Variants in IFNG-AS1 observed in about 807,000 individuals in gnomAD.
IFNG-AS1 encodes the protein IFNG antisense RNA 1 (non-protein coding).
rs538181938 is a variant in IFNG-AS1, at chr12:67,991,092, T to C, written n.51+1513T>C. Among the ~76,000 whole-genome samples, 7 of 152,266 alleles carry C rather than the reference T, an allele frequency of 4.6e-5. No homozygotes were observed. The East Asian group carries it at 1.2e-3, about 25-fold the overall frequency. ...GGGACACACACATATCACAGTAAAA[T>C]GATACCAGATAATGGCAAAGGAGGG... is the stretch of plus-strand genomic sequence containing the variant. On this transcript the variant is annotated intron_variant and non_coding_transcript_variant, in intron 1 of 5. Transcript: ENST00000536914.
chr12:67,990,969 G>A (rs1350409833), intron 1 of IFNG-AS1, among the ~76,000 whole-genome samples: 1 of 152,140 alleles, frequency 6.6e-6, no homozygotes, highest in African/African-American at 2.4e-5. Flanking sequence ...GTTTGGTGAA[G>A]CACCATGTCA....
chr12:68,015,957 A>G (rs981561461), intron 3 of IFNG-AS1, among the ~76,000 whole-genome samples: 1 of 152,084 alleles, frequency 6.6e-6, no homozygotes, highest in Non-Finnish European at 1.5e-5. Flanking sequence ...GGGGGGAAAA[A>G]AAACCTTTCC....
At position 68,007,019 on chromosome 12, in the gene IFNG-AS1, G is replaced by C. The variant is rs115020622; in HGVS notation, n.241+873G>C. Among the ~76,000 whole-genome samples the C allele has an allele frequency of 1.6e-3, 239 of 152,300 alleles. 1 individual carries two copies. The highest frequency in any genetic ancestry group is 5.6e-3 in the African/African-American group (233 of 41,568). On this transcript the variant is annotated intron_variant and non_coding_transcript_variant, in intron 3 of 5. Coordinates refer to ENST00000536914, the Ensembl canonical transcript of IFNG-AS1. ...TAGAAAAGGAATATACCCTTAGAATGATTTTTTAAAATCACATGGAAGAGT... is the reference window on the plus strand; with the variant it reads ...TAGAAAAGGAATATACCCTTAGAATCATTTTTTAAAATCACATGGAAGAGT...
chr12:68,009,864 G>A (rs1208667047), intron 3 of IFNG-AS1, among the ~76,000 whole-genome samples: 4 of 152,250 alleles, frequency 2.6e-5, no homozygotes, highest in South Asian at 4.2e-4. Context: ...TAAGAATTCA[G>A]TGCTGCAGTA....
chr12:67,991,347 C>G (rs1879507784), intron 1 of IFNG-AS1, among the ~76,000 whole-genome samples: 1 of 152,136 alleles, frequency 6.6e-6, no homozygotes, highest in South Asian at 2.1e-4. Flanking sequence ...GTTGGAGCAT[C>G]TGGGAAAGCC....
chr12:67,998,138 T>C (rs1014601232), intron 2 of IFNG-AS1, among the ~76,000 whole-genome samples: 1 of 152,034 alleles, frequency 6.6e-6, no homozygotes, highest in African/African-American at 2.4e-5. Context: ...TTCTAGGAAT[T>C]TACCCAGAAG....
chr12:68,001,358 C>T lies in IFNG-AS1; in HGVS notation n.185-4732C>T, dbSNP rs532653771. ...TGGTAAGATGCCAGTGACCCCAGTACAGCATGAATCTGAGTGCCATCTCAT... is the reference window on the plus strand; with the variant it reads ...TGGTAAGATGCCAGTGACCCCAGTATAGCATGAATCTGAGTGCCATCTCAT... On this transcript the variant is annotated intron_variant and non_coding_transcript_variant, in intron 2 of 5. Coordinates refer to ENST00000536914, the Ensembl canonical transcript of IFNG-AS1. 24 of 188,532 alleles carry T rather than the reference C, an allele frequency of 1.3e-4. No homozygotes were observed. In the East Asian group the frequency reaches 2.8e-3, roughly 22 times the overall value. The allele number at this position is 188,532 out of a possible 1,614,324, so 11.7% of individuals were successfully genotyped here.
intron 2 of IFNG-AS1, among the ~76,000 whole-genome samples, chr12:68,003,756 A>C (rs1879838349): frequency 2.0e-5 from 3 of 152,064 alleles, no homozygotes; most frequent in Admixed American, 6.6e-5. Flanking sequence ...CTACTAAAAA[A>C]ATTAGCCGGG....
chr12:67,990,226 A>G (rs1051763666), intron 1 of IFNG-AS1, among the ~76,000 whole-genome samples: 23 of 152,244 alleles, frequency 1.5e-4, no homozygotes, highest in African/African-American at 5.3e-4. Context: ...AAATTAAGTT[A>G]AATCACGTAA....
intron 3 of IFNG-AS1, among the ~76,000 whole-genome samples, chr12:68,007,411 A>G (rs1879930753): frequency 6.6e-6 from 1 of 152,256 alleles, no homozygotes; most frequent in African/African-American, 2.4e-5. Context: ...TCATCCTAAT[A>G]TAAACACTCA....
At chr12:67,994,707 A>T (rs1038300754) in intron 1 of IFNG-AS1, among the ~76,000 whole-genome samples, 12 of 152,244 alleles carry the variant, frequency 7.9e-5, no homozygotes, top group African/African-American at 2.9e-4. Flanking sequence ...TATCTGGATG[A>T]TGAAATAGAT....
intron 1 of IFNG-AS1, among the ~76,000 whole-genome samples, chr12:67,992,307 T>C (rs564040335): frequency 6.6e-6 from 1 of 152,374 alleles, no homozygotes; most frequent in African/African-American, 2.4e-5. Context: ...TACATAGTAT[T>C]CCACTGAATC....
intron 2 of IFNG-AS1, among the ~76,000 whole-genome samples, chr12:68,002,931 C>A (rs1045985024): frequency 6.6e-6 from 1 of 152,302 alleles, no homozygotes; most frequent in South Asian, 2.1e-4. Context: ...AACTGGAGAA[C>A]TGAGATAATC....
intron 3 of IFNG-AS1, among the ~76,000 whole-genome samples, chr12:68,013,986 TA>T (rs1182182074): frequency 6.6e-6 from 1 of 152,222 alleles, no homozygotes; most frequent in Non-Finnish European, 1.5e-5. Flanking sequence ...GTATCATTCT[TA>T]TGCCTTTGCA....
At chr12:68,004,179 T>C (rs1459889746) in intron 2 of IFNG-AS1, among the ~76,000 whole-genome samples, 2 of 152,180 alleles carry the variant, frequency 1.3e-5, no homozygotes, top group Admixed American at 6.5e-5. Context: ...TTTTCTGTCA[T>C]AGATCTACTC....
chr12:68,011,792 G>A (rs1880034764), intron 3 of IFNG-AS1, among the ~76,000 whole-genome samples: 1 of 152,184 alleles, frequency 6.6e-6, no homozygotes, highest in African/African-American at 2.4e-5. Context: ...CACCGAGGCA[G>A]CCCAACCTTA....
At chr12:68,014,510 T>C (rs1880102386) in intron 3 of IFNG-AS1, among the ~76,000 whole-genome samples, 1 of 152,216 alleles carries the variant, frequency 6.6e-6, no homozygotes. Context: ...TGGTATCATA[T>C]TGTGGTTTTG....
intron 3 of IFNG-AS1, among the ~76,000 whole-genome samples, chr12:68,010,598 G>A (rs1880004490): frequency 6.6e-6 from 1 of 152,062 alleles, no homozygotes; most frequent in Admixed American, 6.5e-5. Flanking sequence ...TTACCTTTTA[G>A]GTCTTGTTCT....
At chr12:68,000,817 T>A (rs1331095937) in intron 2 of IFNG-AS1, among the ~76,000 whole-genome samples, 4 of 152,236 alleles carry the variant, frequency 2.6e-5, no homozygotes, top group Non-Finnish European at 5.9e-5. Flanking sequence ...TCAGAGGATA[T>A]GACCTGGGTA....
Sources: gnomAD v4.1 joint callset for allele counts (sites outside exome capture counted in the v4.1 genomes callset) on GRCh38, gnomAD v4.1.1 for gene constraint, MANE v1.5 for transcripts, NCBI Gene and HGNC (gene_info 2026-07-23, HGNC 2026-07-21) for gene names.